The following PRKAR2A variants were observed in gnomAD, a reference collection of about 807,000 sequenced individuals.
PRKAR2A encodes the protein cAMP-dependent protein kinase type II-alpha regulatory subunit.
A neutral mutation model predicts 51.9 loss-of-function variants in PRKAR2A; 29 were observed. The ratio of observed to expected loss-of-function variants is 0.56; its 90% CI spans 0.42 to 0.76. The LOEUF is 0.76. Ranked by LOEUF, PRKAR2A falls within the 30% of genes least tolerant of loss-of-function variation. The probability of loss-of-function intolerance (pLI) is 0.00; values close to 1 mark genes in which losing one functional copy is unlikely to be tolerated. For missense variants in PRKAR2A, 445 were observed against 512.1 expected (o/e 0.87, Z 1.26); for synonymous variants, 178 against 186.2 (o/e 0.96, Z 0.36).
At position 48,838,376 on chromosome 3, in the gene PRKAR2A, G is replaced by A. The variant is rs142737284; in HGVS notation, c.262+8959C>T. On this transcript the variant is annotated intron_variant, in intron 1 of 10. Coordinates refer to ENST00000265563, the MANE Select transcript of PRKAR2A (RefSeq NM_004157.4). Reference sequence around the variant, plus strand: ...AATCCCAGCACTTTGGGAGGCCGTGGTGGACAGATCACCTGAGGTTGGGAG... The same window carrying A: ...AATCCCAGCACTTTGGGAGGCCGTGATGGACAGATCACCTGAGGTTGGGAG... 6.2e-3 allele frequency among the ~76,000 whole-genome samples: 939 copies of A among 152,172 alleles called. 13 individuals are homozygous for A. Among genetic ancestry groups the A allele is most frequent in the African/African-American group, 0.022 (897 of 41,512 alleles).
chr3:48,845,946 TAA>T (rs879935714), intron 1 of PRKAR2A, among the ~76,000 whole-genome samples: 4 of 142,994 alleles, frequency 2.8e-5, no homozygotes, highest in Non-Finnish European at 6.2e-5. Flanking sequence ...ATCCTGACTT[TAA>T]AAAAAAAAAA....
At chr3:48,827,504 C>T (rs921441783) in intron 1 of PRKAR2A, among the ~76,000 whole-genome samples, 1 of 152,186 alleles carries the variant, frequency 6.6e-6, no homozygotes. Flanking sequence ...GCAATTTCAT[C>T]ATTCTGCAAA....
At chr3:48,823,554 A>C (rs1464733879) in intron 1 of PRKAR2A, among the ~76,000 whole-genome samples, 1 of 151,996 alleles carries the variant, frequency 6.6e-6, no homozygotes, top group Non-Finnish European at 1.5e-5. Context: ...CAAGTCTAAA[A>C]CCAAAAATGT....
chr3:48,801,837 A>G (rs2082595525), intron 2 of PRKAR2A, among the ~76,000 whole-genome samples: 3 of 151,962 alleles, frequency 2.0e-5, no homozygotes, highest in South Asian at 4.2e-4. Context: ...CCAGAGTTCA[A>G]GCGATTCTCC....
At chr3:48,756,046 C>CT (rs1262163382) in intron 9 of PRKAR2A, among the ~76,000 whole-genome samples, 7 of 152,046 alleles carry the variant, frequency 4.6e-5, no homozygotes, top group African/African-American at 1.7e-4. Flanking sequence ...TCCCAAAGTG[C>CT]TGGGATTACA....
intron 1 of PRKAR2A, among the ~76,000 whole-genome samples, chr3:48,844,206 C>G (rs2083424287): frequency 6.6e-6 from 1 of 152,290 alleles, no homozygotes; most frequent in South Asian, 2.1e-4. Context: ...CAAAAGAAGA[C>G]ATTTATGCAG....
intron 1 of PRKAR2A, among the ~76,000 whole-genome samples, chr3:48,829,806 C>CAT (rs201347670): frequency 8.6e-6 from 1 of 116,406 alleles, no homozygotes; most frequent in African/African-American, 3.2e-5. Flanking sequence ...CGTATATATA[C>CAT]ATATATATGT....
intron 6 of PRKAR2A, among the ~76,000 whole-genome samples, chr3:48,769,374 G>T (rs1320836170): frequency 6.6e-6 from 1 of 151,728 alleles, no homozygotes; most frequent in South Asian, 2.1e-4. Flanking sequence ...AGCCAGGATG[G>T]TCTCAATCTC....
intron 1 of PRKAR2A, among the ~76,000 whole-genome samples, chr3:48,828,155 C>A (rs201071288): frequency 6.6e-6 from 1 of 152,276 alleles, no homozygotes; most frequent in African/African-American, 2.4e-5. Context: ...CGTGAGCCAA[C>A]GCACATGGCC....
intron 1 of PRKAR2A, among the ~76,000 whole-genome samples, chr3:48,824,807 A>C (rs1042806474): frequency 6.6e-6 from 1 of 151,670 alleles, no homozygotes; most frequent in Non-Finnish European, 1.5e-5. Context: ...TTAGTCAGGC[A>C]TCATGGCACA....
chr3:48,783,339 C>G (rs2082233735), intron 4 of PRKAR2A, among the ~76,000 whole-genome samples: 1 of 152,118 alleles, frequency 6.6e-6, no homozygotes, highest in Admixed American at 6.6e-5. Flanking sequence ...AAAATTTACA[C>G]AAAAATATTA....
chr3:48,763,166 C>T (rs566235458), intron 8 of PRKAR2A, among the ~76,000 whole-genome samples: 3 of 152,228 alleles, frequency 2.0e-5, no homozygotes, highest in African/African-American at 7.2e-5. Flanking sequence ...GTTTCTGATT[C>T]AGCAGGTCTG....
chr3:48,765,421 A>G, intron 6 of PRKAR2A, 72 bp from the exon 7 acceptor site: 1 of 1,016,888 alleles, frequency 9.8e-7, no homozygotes, highest in South Asian at 1.6e-5. Context: ...TTAACTGGCC[A>G]AAGCAAATAT....
At chr3:48,769,977 C>T (rs947242793) in intron 6 of PRKAR2A, among the ~76,000 whole-genome samples, 4 of 152,082 alleles carry the variant, frequency 2.6e-5, no homozygotes, top group Non-Finnish European at 2.9e-5. Flanking sequence ...GGTTTCACCA[C>T]GTTGCCCATG....
chr3:48,746,631 G>A lies in PRKAR2A; in HGVS notation c.*4954C>T, dbSNP rs897406682. 6.6e-6 allele frequency: 1 copy of A among 152,096 alleles called. No homozygotes were observed. The highest frequency in any genetic ancestry group is 2.4e-5 in the African/African-American group (1 of 41,404). The allele number at this position is 152,096 out of a possible 1,614,324, so 9.4% of individuals were successfully genotyped here. The stretch of plus-strand genomic sequence containing the variant: ...ATCAAGAGTAAAGCCGAGCCCTAGG[G>A]TTTCCTTAACAACAACAAAAAGAAC... On this transcript the variant is annotated 3_prime_UTR_variant, in exon 11 of 11. Coordinates refer to ENST00000265563, the MANE Select transcript of PRKAR2A (RefSeq NM_004157.4).
intron 4 of PRKAR2A, among the ~76,000 whole-genome samples, chr3:48,788,054 G>A (rs570202452): frequency 1.3e-5 from 2 of 152,096 alleles, no homozygotes; most frequent in African/African-American, 4.8e-5. Flanking sequence ...TTTTTGAGAT[G>A]GAATCTCATT....
intron 6 of PRKAR2A, among the ~76,000 whole-genome samples, chr3:48,768,330 T>TAGATAGATAGATAGATAGACAGACAGAC (rs1168217616): frequency 2.7e-5 from 4 of 150,742 alleles, no homozygotes; most frequent in African/African-American, 9.8e-5. Context: ...GATAGATAGA[T>TAGATAGATAGATAGATAGACAGACAGAC]AGATAGATAG....
chr3:48,766,331 G>C (rs1046931082), intron 6 of PRKAR2A, among the ~76,000 whole-genome samples: 2 of 152,134 alleles, frequency 1.3e-5, no homozygotes, highest in African/African-American at 4.8e-5. Flanking sequence ...ATTCTGGGAG[G>C]CTGAGTCAGA....
intron 9 of PRKAR2A, among the ~76,000 whole-genome samples, chr3:48,754,996 CTT>C (rs1279558575): frequency 6.4e-5 from 8 of 125,770 alleles, no homozygotes; most frequent in Admixed American, 7.9e-5. Context: ...TACTTATTAA[CTT>C]TTTTTTTTTT....
Sources: gnomAD v4.1 joint callset for allele counts (sites outside exome capture counted in the v4.1 genomes callset) on GRCh38, gnomAD v4.1.1 for gene constraint, MANE v1.5 for transcripts, NCBI Gene and HGNC (gene_info 2026-07-23, HGNC 2026-07-21) for gene names.